SEPTIN5: variants seen among roughly 807,000 people sequenced by gnomAD.
SEPTIN5 encodes septin-5.
Under a neutral mutation model 51.2 loss-of-function variants are expected in SEPTIN5, and 16 were observed. The ratio of observed to expected loss-of-function variants is 0.31; its 90% CI spans 0.21 to 0.47. The LOEUF (loss-of-function observed/expected upper bound fraction) is 0.47. Ranked by LOEUF, SEPTIN5 falls within the 20% of genes least tolerant of loss-of-function variation. SEPTIN5 has a pLI of 0.99. For synonymous variants in SEPTIN5, 208 were observed against 191.2 expected, an observed-to-expected ratio of 1.09 and a Z score of -0.72; for missense variants, 376 against 500.3, an observed-to-expected ratio of 0.75 and a Z score of 2.37.
chr22:19,723,034 G>A lies in SEPTIN5; in HGVS notation c.*550G>A. On this transcript the variant is annotated 3_prime_UTR_variant, in exon 12 of 12. Transcript: ENST00000455784. Reference sequence around the variant, plus strand: ...ACATAAGGAGGCCAGAGGCTGCAAGGAGCGGGGTCGTGACCGCTTACACCC... The same window carrying A: ...ACATAAGGAGGCCAGAGGCTGCAAGAAGCGGGGTCGTGACCGCTTACACCC... 1 of 474,490 alleles carries A rather than the reference G, an allele frequency of 2.1e-6. No homozygotes were observed. The highest frequency in any genetic ancestry group is 2.8e-5 in the Admixed American group (1 of 35,556). 29.4% of individuals were successfully genotyped at this position (474,490 alleles called of 1,614,324 possible).
chr22:19,721,998 C>G (rs909089), intron 10 of SEPTIN5, 41 bp downstream of exon 10: 3 of 1,579,470 alleles, frequency 1.9e-6, no homozygotes, highest in Non-Finnish European at 2.6e-6. Context: ...CCCCTCTGGC[C>G]CCGCCCACGT....
rs41281417 is a variant in SEPTIN5 at position 19,722,716 on chromosome 22, C to T, written c.*232C>T. The stretch of plus-strand genomic sequence containing the variant: ...GGATCAGGAGCGAAGTTGGGCGGGA[C>T]TTCAGAGATCCGCCTCCCTTGCCCT... On this transcript the variant is annotated 3_prime_UTR_variant, in exon 12 of 12. Transcript: ENST00000455784. 3,404 of 580,996 alleles carry T rather than the reference C, an allele frequency of 5.9e-3. 14 individuals carry two copies. The highest frequency in any genetic ancestry group is 8.2e-3 in the Non-Finnish European group (2,679 of 326,366). 36.0% of individuals were successfully genotyped at this position (580,996 alleles called of 1,614,324 possible). A position where few individuals can be genotyped will look rare whatever the true frequency, so the allele number is the denominator to read the frequency against.
chr22:19,722,361 G>A (rs1213138346), intron 11 of SEPTIN5, 22 bp downstream of exon 11: 2 of 1,597,572 alleles, frequency 1.3e-6, no homozygotes, highest in Non-Finnish European at 8.5e-7. Context: ...GGCGGGGGCG[G>A]CGGAGGCGGG....
intron 10 of SEPTIN5, 73 bp downstream of exon 10, chr22:19,722,030 CTG>C: frequency 1.3e-6 from 2 of 1,537,398 alleles, no homozygotes; most frequent in South Asian, 2.4e-5. Flanking sequence ...AGGGCCGGTC[CTG>C]TCAGCCCACC....
At chr22:19,718,486 C>T in intron 2 of SEPTIN5, 2 of 1,196,924 alleles carry the variant, frequency 1.7e-6, no homozygotes, top group Non-Finnish European at 2.1e-6. Context: ...GGGGCCTGCC[C>T]GGACTGCGAC....
In SEPTIN5 at chr22:19,722,711, C is replaced by A; in HGVS notation, c.*227C>A. On this transcript the variant is annotated 3_prime_UTR_variant, in exon 12 of 12. Coordinates refer to ENST00000455784, the MANE Select transcript of SEPTIN5 (RefSeq NM_002688.6). ...TTGGGGGATCAGGAGCGAAGTTGGG[C>A]GGGACTTCAGAGATCCGCCTCCCTT... 1 of 584,426 alleles carries A rather than the reference C, an allele frequency of 1.7e-6. No individual in the cohort carries two copies. The highest frequency in any genetic ancestry group is 3.0e-6 in the Non-Finnish European group (1 of 329,734). 36.2% of individuals were successfully genotyped at this position (584,426 alleles called of 1,614,324 possible). A position where few individuals can be genotyped will look rare whatever the true frequency, so the allele number is the denominator to read the frequency against.
chr22:19,722,512 C>G lies in SEPTIN5; in HGVS notation c.*28C>G. ...CTCGCCGCGGACACACCGTCCGTCT[C>G]CGGGACGCCCTCGCACCCCTGGACA... On this transcript the variant is annotated 3_prime_UTR_variant, in exon 12 of 12. Coordinates refer to ENST00000455784, the MANE Select transcript of SEPTIN5 (RefSeq NM_002688.6). The G allele has an allele frequency of 6.4e-7, 1 of 1,571,770 alleles. No homozygotes were observed.
At chr22:19,717,874 CACACACACATT>C in intron 2 of SEPTIN5, 1 of 172,976 alleles carries the variant, frequency 5.8e-6, no homozygotes, top group Non-Finnish European at 1.2e-5. Flanking sequence ...AGGCATTACA[CACACACACATT>C]ACACACACAC....
rs1935885621 is a variant in SEPTIN5 at position 19,714,542 on chromosome 22, C to T, written c.-47C>T. On this transcript the variant is annotated 5_prime_UTR_variant, in exon 1 of 12. Coordinates refer to ENST00000455784, the MANE Select transcript of SEPTIN5 (RefSeq NM_002688.6). This position sits in a 1 kb window ranked among gnomAD's most constrained non-coding sequence, Gnocchi z 5.2. Reference sequence around the variant, plus strand: ...CCTCGGCCTCCGCCGCTTGTCGTCGCGCCCCGCCCGCGAGCCCGCCCCGCA... The same window carrying T: ...CCTCGGCCTCCGCCGCTTGTCGTCGTGCCCCGCCCGCGAGCCCGCCCCGCA... The T allele has an allele frequency of 7.6e-7, 1 of 1,316,322 alleles. No homozygotes were observed. Among genetic ancestry groups the T allele is most frequent in the Non-Finnish European group, 9.7e-7 (1 of 1,029,358 alleles). The allele number at this position is 1,316,322 out of a possible 1,614,324, so 81.5% of individuals were successfully genotyped here.
Position 19,714,764 on chromosome 22 carries a change from CG to C in SEPTIN5, c.44-16del. 6.3e-7 allele frequency: 1 copy of C among 1,593,674 alleles called. No homozygotes were observed. The highest frequency in any genetic ancestry group is 1.1e-5 in the South Asian group (1 of 90,052). On this transcript the variant is annotated splice_polypyrimidine_tract_variant and intron_variant, in intron 1 of 11. Transcript: ENST00000455784. This position sits in a 1 kb window ranked among gnomAD's most constrained non-coding sequence, Gnocchi z 5.2. ...TCGGAACCGGACCCGGACTCGACCC[CG>C]ACCCCGACCCCGCAGAGGACAAGCA...
At position 19,722,299 on chromosome 22, in the gene SEPTIN5, A is replaced by T; in HGVS notation, c.1013A>T (p.Asp338Val). 1 of 1,611,202 alleles carries T rather than the reference A, an allele frequency of 6.2e-7. No individual in the cohort carries two copies. Among genetic ancestry groups the T allele is most frequent in the Non-Finnish European group, 8.5e-7 (1 of 1,179,306 alleles). The change falls in exon 11 of 12, where the codon GAC becomes GTC. Residue 338 changes from aspartate (D) to valine (V), a missense_variant. Asp to Val is a radical substitution (Grantham distance 152, BLOSUM62 -3). Around this residue, in one of 2 missense-constraint regions of SEPTIN5, gnomAD observed 89 missense variants for 83.3 expected, o/e 1.07. Coordinates refer to ENST00000455784, the MANE Select transcript of SEPTIN5 (RefSeq NM_002688.6). Reference sequence around the variant, plus strand: ...CCGATCCTGCCGCTGCCCACCCCGGACGCCGAGACTGAGAAGCTTATCAGG... The same window carrying T: ...CCGATCCTGCCGCTGCCCACCCCGGTCGCCGAGACTGAGAAGCTTATCAGG... ...PIPILPLPTP[D>V]AETEKLIRMK...
In SEPTIN5 at chr22:19,722,546, G is replaced by C; in HGVS notation, c.*62G>C. 6.6e-7 allele frequency: 1 copy of C among 1,523,988 alleles called. No homozygotes were observed. The highest frequency in any genetic ancestry group is 8.9e-7 in the Non-Finnish European group (1 of 1,124,180). 94.4% of individuals were successfully genotyped at this position (1,523,988 alleles called of 1,614,324 possible). A position where few individuals can be genotyped will look rare whatever the true frequency, so the allele number is the denominator to read the frequency against. On this transcript the variant is annotated 3_prime_UTR_variant, in exon 12 of 12. Transcript: ENST00000455784. ...CCTCGCACCCCTGGACACCAGACCG[G>C]ACTGTTCCCGACCCGGAGACGCGGG...
chr22:19,718,098 C>T (rs992498859), intron 2 of SEPTIN5: 1 of 152,158 alleles, frequency 6.6e-6, no homozygotes, highest in African/African-American at 2.4e-5. Context: ...CGCTGTTGCG[C>T]GTGGGTCCCG....
chr22:19,722,076 C>G, intron 10 of SEPTIN5, 119 bp downstream of exon 10: 2 of 1,319,218 alleles, frequency 1.5e-6, no homozygotes, highest in South Asian at 1.4e-5. Flanking sequence ...CCTAAGCCCC[C>G]CCCCTCCCCC....
At chr22:19,722,071 G>GCCCCCCC in intron 10 of SEPTIN5, 114 bp downstream of exon 10, 1 of 1,271,440 alleles carries the variant, frequency 7.9e-7, no homozygotes, top group Non-Finnish European at 1.1e-6. Context: ...CATTCCCTAA[G>GCCCCCCC]CCCCCCCCCT....
At chr22:19,722,378 G>T in intron 11 of SEPTIN5, 39 bp downstream of exon 11, 2 of 1,595,518 alleles carry the variant, frequency 1.3e-6, no homozygotes, top group Non-Finnish European at 1.7e-6. Context: ...CGGGCGTCAG[G>T]GATGCTCCTC....
chr22:19,721,966 C>G lies in SEPTIN5; in HGVS notation c.950+9C>G, dbSNP rs779171007. 71 of 1,601,052 alleles carry G rather than the reference C, an allele frequency of 4.4e-5. No homozygotes were observed. The highest frequency in any genetic ancestry group is 5.8e-5 in the Non-Finnish European group (68 of 1,174,218). The stretch of plus-strand genomic sequence containing the variant: ...ATCCAGCAGATGACCAGGTGCGCGC[C>G]CCAGCCGCGAGCCAGACCTCGCCCC... On this transcript the variant is annotated intron_variant, in intron 10 of 11. Coordinates refer to ENST00000455784, the MANE Select transcript of SEPTIN5 (RefSeq NM_002688.6).
chr22:19,722,324 G>A lies in SEPTIN5; in HGVS notation c.1038G>A (p.Arg346=), dbSNP rs1568998760. 2 of 1,610,788 alleles carry A rather than the reference G, an allele frequency of 1.2e-6. No homozygotes were observed. The highest frequency in any genetic ancestry group is 1.7e-6 in the Non-Finnish European group (2 of 1,179,084). Residue 346 remains arginine, a synonymous_variant, in exon 11 of 12, where the codon AGG becomes AGA. Transcript: ENST00000455784. ...ACGCCGAGACTGAGAAGCTTATCAGGATGAAGGATGAGGAAGTATGTGGGG... is the reference window on the plus strand; with the variant it reads ...ACGCCGAGACTGAGAAGCTTATCAGAATGAAGGATGAGGAAGTATGTGGGG... ...TPDAETEKLI[R]MKDEELRRMQ...
intron 8 of SEPTIN5, 39 bp from the exon 9 acceptor site, chr22:19,721,601 C>T (rs367943120): frequency 1.9e-6 from 3 of 1,602,218 alleles, no homozygotes; most frequent in East Asian, 2.2e-5. Context: ...CGTGCAATTA[C>T]GCTCACCGGG....
Sources: gnomAD v4.1 joint callset for allele counts on GRCh38, gnomAD v4.1.1 for gene constraint, gnomAD v4.1.1 regional missense constraint, Gnocchi (gnomAD v3.1) non-coding constraint, MANE v1.5 for transcripts, NCBI Gene and HGNC (gene_info 2026-07-23, HGNC 2026-07-21) for gene names.